PTPN14: variants seen among roughly 807,000 people sequenced by gnomAD.
PTPN14 encodes the protein tyrosine-protein phosphatase non-receptor type 14.
In PTPN14, 53 loss-of-function variants were observed where a neutral mutation model predicts 126.8. That is an observed-to-expected ratio of 0.42 (90% CI 0.34 to 0.53). PTPN14 has a LOEUF of 0.53. Ranked by LOEUF, PTPN14 falls within the 20% of genes least tolerant of loss-of-function variation. The probability of loss-of-function intolerance (pLI) is 0.08; values close to 1 mark genes in which losing one functional copy is unlikely to be tolerated. For synonymous variants in PTPN14, 630 were observed against 599.3 expected (o/e 1.05, Z -0.75); for missense variants, 1,257 against 1,552.9 (o/e 0.81, Z 3.20).
chr1:214,402,890 C>T lies in PTPN14; in HGVS notation c.574G>A (p.Ala192Thr). ...ACCCTCTGCCTGCCTTACCTGTGGG[C>T]TTTGTGTTCTTGGGCTACCTTCTGG... Reference protein sequence around the residue: ...LTQKVAQEHKAHSGILPAEAE... With the variant: ...LTQKVAQEHKTHSGILPAEAE... Residue 192 changes from alanine (A) to threonine (T), a missense_variant, in exon 6 of 19, where the codon GCC (alanine) becomes ACC (threonine). Transcript: ENST00000366956. 2 of 1,613,944 alleles carry T rather than the reference C, an allele frequency of 1.2e-6. No homozygotes were observed. The highest frequency in any genetic ancestry group is 1.1e-5 in the South Asian group (1 of 91,058).
chr1:214,363,846 G>C (rs530270326), intron 18 of PTPN14, among the ~76,000 whole-genome samples: 1 of 152,120 alleles, frequency 6.6e-6, no homozygotes, highest in Non-Finnish European at 1.5e-5. Context: ...ACACAAAATT[G>C]AAAGTCTCTC....
intron 2 of PTPN14, among the ~76,000 whole-genome samples, chr1:214,459,459 C>T (rs1572013252): frequency 7.0e-6 from 1 of 141,912 alleles, no homozygotes; most frequent in East Asian, 2.1e-4. Context: ...AGCTGATCCC[C>T]ACTCTTTTCT....
At position 214,464,697 on chromosome 1, in the gene PTPN14, G is replaced by A. The variant is rs772489574; in HGVS notation, c.107C>T (p.Thr36Met). The A allele has an allele frequency of 1.2e-6, 2 of 1,614,286 alleles. No individual in the cohort carries two copies. Among genetic ancestry groups the A allele is most frequent in the Admixed American group, 1.7e-5 (1 of 60,034 alleles). Residue 36 changes from threonine to methionine, a missense_variant, in exon 2 of 19, where the codon ACG becomes ATG. Around this residue, in one of 3 missense-constraint regions of PTPN14, gnomAD observed 1,021 missense variants for 1,183.3 expected, o/e 0.86. Coordinates refer to ENST00000366956, the MANE Select transcript of PTPN14 (RefSeq NM_005401.5). ...RLLDSNVIEC[T>M]LSVESTGQEC... Reference sequence around the variant, plus strand: ...TTGCCCTGTGCTTTCCACCGACAGCGTGCACTCGATAACATTGCTGTCCAG... The same window carrying A: ...TTGCCCTGTGCTTTCCACCGACAGCATGCACTCGATAACATTGCTGTCCAG...
At chr1:214,441,677 G>T (rs562132404) in intron 3 of PTPN14, among the ~76,000 whole-genome samples, 8 of 152,196 alleles carry the variant, frequency 5.3e-5, no homozygotes, top group Non-Finnish European at 8.8e-5. Flanking sequence ...ATGGGAAGCG[G>T]ATGTCTCTTA....
At chr1:214,363,775 T>C (rs1383369047) in intron 18 of PTPN14, among the ~76,000 whole-genome samples, 1 of 152,228 alleles carries the variant, frequency 6.6e-6, no homozygotes, top group Non-Finnish European at 1.5e-5. Flanking sequence ...AAACTTCTAA[T>C]GTCCCACGTA....
At chr1:214,520,065 A>AAAAAAAAAAAATATAT in intron 1 of PTPN14, among the ~76,000 whole-genome samples, 1 of 71,142 alleles carries the variant, frequency 1.4e-5, no homozygotes, top group African/African-American at 7.3e-5. Context: ...AAAAAAAAAA[A>AAAAAAAAAAAATATAT]ATATATATAT....
chr1:214,443,069 C>G (rs191907250), intron 3 of PTPN14, among the ~76,000 whole-genome samples: 1 of 152,152 alleles, frequency 6.6e-6, no homozygotes, highest in Admixed American at 6.5e-5. Flanking sequence ...GTGATCCACC[C>G]GCCTCAGCCT....
intron 1 of PTPN14, among the ~76,000 whole-genome samples, chr1:214,519,768 G>A (rs889191586): frequency 2.0e-5 from 3 of 151,996 alleles, no homozygotes; most frequent in Admixed American, 6.6e-5. Flanking sequence ...TAAGCAAGCA[G>A]GCTGGGTGTC....
At chr1:214,398,694 A>G (rs774072522) in intron 7 of PTPN14, among the ~76,000 whole-genome samples, 23 of 147,130 alleles carry the variant, frequency 1.6e-4, no homozygotes, top group Non-Finnish European at 5.9e-5. Flanking sequence ...CGGCCTCCCA[A>G]AGTGTTGGGA....
intron 2 of PTPN14, among the ~76,000 whole-genome samples, chr1:214,456,807 T>C (rs553203803): frequency 6.6e-6 from 1 of 152,222 alleles, no homozygotes; most frequent in Non-Finnish European, 1.5e-5. Flanking sequence ...AAGCTAATAA[T>C]GTTTCACACT....
intron 5 of PTPN14, among the ~76,000 whole-genome samples, chr1:214,407,495 C>CAA (rs200725524): frequency 4.6e-5 from 5 of 108,906 alleles, no homozygotes; most frequent in Admixed American, 9.5e-5. Flanking sequence ...AACTCTGTCT[C>CAA]AAAAAAAAAA....
At chr1:214,406,338 CATGGTGGCACATG>C (rs1659169753) in intron 5 of PTPN14, among the ~76,000 whole-genome samples, 1 of 152,028 alleles carries the variant, frequency 6.6e-6, no homozygotes, top group Non-Finnish European at 1.5e-5. Flanking sequence ...ATTAGCCAGG[CATGGTGGCACATG>C]CCTGTTGTCA....
At chr1:214,449,418 G>T (rs941030997) in intron 3 of PTPN14, among the ~76,000 whole-genome samples, 3 of 152,098 alleles carry the variant, frequency 2.0e-5, no homozygotes, top group Non-Finnish European at 4.4e-5. Context: ...TTACAGGATA[G>T]GTCTGTCTAG....
intron 12 of PTPN14, among the ~76,000 whole-genome samples, chr1:214,386,098 G>A (rs1370241331): frequency 1.3e-5 from 2 of 152,194 alleles, no homozygotes; most frequent in East Asian, 1.9e-4. Context: ...ACAAGTTACC[G>A]ATTTTCATAT....
At chr1:214,409,126 T>C (rs1374306175) in intron 5 of PTPN14, among the ~76,000 whole-genome samples, 1 of 152,204 alleles carries the variant, frequency 6.6e-6, no homozygotes, top group Non-Finnish European at 1.5e-5. Context: ...ATCTACTCTT[T>C]TAGCAATTTT....
chr1:214,428,205 A>G (rs953473469), intron 3 of PTPN14, among the ~76,000 whole-genome samples: 1 of 152,252 alleles, frequency 6.6e-6, no homozygotes, highest in Admixed American at 6.5e-5. Flanking sequence ...TGGACGCAGA[A>G]GGAAGTAGTC....
chr1:214,372,944 T>G, intron 15 of PTPN14, 105 bp from the exon 16 acceptor site: 1 of 1,468,606 alleles, frequency 6.8e-7, no homozygotes, highest in Non-Finnish European at 9.2e-7. Flanking sequence ...GATATATTTT[T>G]GGGGCCGAAT....
intron 16 of PTPN14, among the ~76,000 whole-genome samples, chr1:214,371,427 C>G (rs532954525): frequency 6.6e-6 from 1 of 152,298 alleles, no homozygotes; most frequent in Admixed American, 6.5e-5. Flanking sequence ...CAGCTGAAAC[C>G]CACACAAAGA....
rs1441783152 is a variant in PTPN14, at chr1:214,536,198, A to G, written c.-155+14985T>C. On this transcript the variant is annotated intron_variant, in intron 1 of 18. Coordinates refer to ENST00000366956, the MANE Select transcript of PTPN14 (RefSeq NM_005401.5). ...GGGGTGGGGGAGATAACTTGGGGCCAGGAGTTCGAGACCAGCCTGGGCAAC... is the reference window on the plus strand; with the variant it reads ...GGGGTGGGGGAGATAACTTGGGGCCGGGAGTTCGAGACCAGCCTGGGCAAC... Among the ~76,000 whole-genome samples, 5 of 152,186 alleles carry G rather than the reference A, an allele frequency of 3.3e-5. No homozygotes were observed. In the East Asian group the frequency reaches 7.8e-4, roughly 24 times the overall value.
Sources: allele counts gnomAD v4.1 joint callset (sites outside exome capture counted in the v4.1 genomes callset), GRCh38; gene constraint gnomAD v4.1.1; regional missense constraint gnomAD v4.1.1; transcripts MANE v1.5; gene names NCBI Gene and HGNC (gene_info 2026-07-23, HGNC 2026-07-21).